Variants in ADAM2 observed in about 807,000 individuals in gnomAD.
ADAM2 encodes the protein ADAM metallopeptidase domain 2.
ADAM2 carries 101 observed loss-of-function variants against 99.3 expected under a neutral mutation model. That is an observed-to-expected ratio of 1.02 (90% CI 0.87 to 1.20). ADAM2 has a LOEUF of 1.20. ADAM2 is among the 50% of genes most tolerant of loss of function. The probability of loss-of-function intolerance (pLI) is 0.00; values close to 1 mark genes in which losing one functional copy is unlikely to be tolerated. For synonymous variants in ADAM2, 323 were observed against 287.6 expected (o/e 1.12, Z -1.25); for missense variants, 948 against 878.7 (o/e 1.08, Z -1.00).
chr8:39,764,691 T>A (rs149466760), intron 14 of ADAM2, among the ~76,000 whole-genome samples: 177 of 152,240 alleles, frequency 1.2e-3, no homozygotes, highest in African/African-American at 4.0e-3. Flanking sequence ...GTGAACTCAT[T>A]GCTTGGTAAC....
intron 6 of ADAM2, among the ~76,000 whole-genome samples, chr8:39,816,225 A>T (rs543923587): frequency 2.6e-5 from 4 of 152,316 alleles, no homozygotes; most frequent in Admixed American, 2.6e-4. Context: ...TGAACCCGGG[A>T]GGTGGAGGTT....
At position 39,746,604 on chromosome 8, in the gene ADAM2, T is replaced by G. The variant is rs1474407904; in HGVS notation, c.2042A>C (p.His681Pro). Residue 681 changes from histidine to proline, a missense_variant, in exon 19 of 21, where the codon CAT (histidine) becomes CCT (proline). By Grantham distance (77) the His-to-Pro change is moderately conservative. Coordinates refer to ENST00000265708, the MANE Select transcript of ADAM2 (RefSeq NM_001464.5). ...AAATGGCCATCTCATTGGTTTGGAA[T>G]GGTAAATGTTCTCAATGTAGCGCCT... ...PERRYIENIY[H>P]SKPMRWPFFL... 6.2e-7 allele frequency: 1 copy of G among 1,603,062 alleles called. No homozygotes were observed. The highest frequency in any genetic ancestry group is 8.5e-7 in the Non-Finnish European group (1 of 1,176,566).
At chr8:39,794,711 C>T (rs1803866441) in intron 7 of ADAM2, among the ~76,000 whole-genome samples, 1 of 152,080 alleles carries the variant, frequency 6.6e-6, no homozygotes, top group Non-Finnish European at 1.5e-5. Flanking sequence ...CCTGCTTGCT[C>T]AATCAATCAT....
At chr8:39,751,247 G>A (rs1801931891) in intron 16 of ADAM2, among the ~76,000 whole-genome samples, 1 of 152,170 alleles carries the variant, frequency 6.6e-6, no homozygotes, top group Admixed American at 6.6e-5. Flanking sequence ...TAGTGCTGCT[G>A]TAGTTATAAA....
rs1823377836 is a variant in ADAM2, at chr8:39,744,745, T to C, written c.*30+85A>G. On this transcript the variant is annotated intron_variant, in intron 20 of 20. Coordinates refer to ENST00000265708, the MANE Select transcript of ADAM2 (RefSeq NM_001464.5). ...GCAGCAAACCACCATGGCACATGTA[T>C]ACCTATGTAACAAACCTGCACATTC... The C allele has an allele frequency of 3.5e-6, 3 of 845,380 alleles. No homozygotes were observed. In the Admixed American group the frequency reaches 7.1e-5, roughly 20 times the overall value. The allele number at this position is 845,380 out of a possible 1,614,324, so 52.4% of individuals were successfully genotyped here. A position where few individuals can be genotyped will look rare whatever the true frequency, so the allele number is the denominator to read the frequency against.
At chr8:39,782,171 T>G (rs909238354) in intron 10 of ADAM2, among the ~76,000 whole-genome samples, 2 of 152,160 alleles carry the variant, frequency 1.3e-5, no homozygotes, top group African/African-American at 2.4e-5. Context: ...AGATGTCTCT[T>G]TTTACATTAA....
At position 39,838,199 on chromosome 8, in the gene ADAM2, G is replaced by C; in HGVS notation, c.-14C>G. The C allele has an allele frequency of 6.2e-7, 1 of 1,614,106 alleles. No homozygotes were observed. Among genetic ancestry groups the C allele is most frequent in the Non-Finnish European group, 8.5e-7 (1 of 1,180,002 alleles). The stretch of plus-strand genomic sequence containing the variant: ...GACGCGCCACATGGCTTGAAGTCCT[G>C]GGTCCCAGCCGGAATAATGGCAGTT... On this transcript the variant is annotated 5_prime_UTR_variant, in exon 1 of 21. Transcript: ENST00000265708.
At chr8:39,754,170 G>C (rs1038223644) in intron 16 of ADAM2, among the ~76,000 whole-genome samples, 1 of 152,170 alleles carries the variant, frequency 6.6e-6, no homozygotes, top group Non-Finnish European at 1.5e-5. Context: ...CTTTTGTCAT[G>C]AACACTGTGG....
chr8:39,799,601 A>G (rs1371159747), intron 7 of ADAM2, among the ~76,000 whole-genome samples: 1 of 152,046 alleles, frequency 6.6e-6, no homozygotes, highest in Non-Finnish European at 1.5e-5. Flanking sequence ...TTAATTTTCT[A>G]TCTTGTTGAT....
chr8:39,829,967 G>C (rs1805552230), intron 3 of ADAM2, among the ~76,000 whole-genome samples: 1 of 151,992 alleles, frequency 6.6e-6, no homozygotes. Context: ...TCAGAGAAAT[G>C]GATATCACAA....
intron 4 of ADAM2, 99 bp downstream of exon 4, chr8:39,824,720 C>G: frequency 1.4e-6 from 1 of 710,838 alleles, no homozygotes; most frequent in Non-Finnish European, 2.5e-6. Flanking sequence ...GCCAAGAAGC[C>G]ATGACCCAAC....
At chr8:39,784,381 A>C (rs1019113673) in intron 10 of ADAM2, among the ~76,000 whole-genome samples, 5 of 151,938 alleles carry the variant, frequency 3.3e-5, no homozygotes, top group Non-Finnish European at 7.4e-5. Flanking sequence ...CTAATTTAAA[A>C]ATTTTGTTGT....
chr8:39,838,084 T>G, intron 1 of ADAM2, 47 bp downstream of exon 1: 1 of 1,595,476 alleles, frequency 6.3e-7, no homozygotes, highest in Non-Finnish European at 8.6e-7. Flanking sequence ...AAAGGGAGAG[T>G]AGCGCTGAGG....
chr8:39,820,403 G>T (rs970338292), intron 6 of ADAM2, among the ~76,000 whole-genome samples: 4 of 152,144 alleles, frequency 2.6e-5, no homozygotes, highest in Non-Finnish European at 4.4e-5. Flanking sequence ...CCATGGTACT[G>T]CCGTCAAAGA....
chr8:39,758,045 C>T (rs891499865), intron 15 of ADAM2, among the ~76,000 whole-genome samples: 4 of 152,058 alleles, frequency 2.6e-5, no homozygotes, highest in African/African-American at 9.7e-5. Context: ...GCATTTGGAA[C>T]TTGAGTATAT....
At chr8:39,812,906 A>G (rs1804764575) in intron 6 of ADAM2, among the ~76,000 whole-genome samples, 3 of 152,234 alleles carry the variant, frequency 2.0e-5, no homozygotes. Flanking sequence ...AACAAAAGCC[A>G]AAATTGTCAA....
rs199675432 is a variant in ADAM2 at position 39,749,400 on chromosome 8, T to C, written c.1926A>G (p.Pro642=). 1.1e-4 allele frequency: 175 copies of C among 1,613,348 alleles called. No homozygotes were observed. The highest frequency in any genetic ancestry group is 1.3e-4 in the Non-Finnish European group (159 of 1,179,530). The change falls in exon 18 of 21, where the codon CCA becomes CCG. Residue 642 remains proline, a synonymous_variant. Coordinates refer to ENST00000265708, the MANE Select transcript of ADAM2 (RefSeq NM_001464.5). The part of the protein sequence containing the change: ...HCHCSASYLP[P]DCSVQSDLWP... ...ATAGATCTGATTGAACTGAGCAATC[T>C]GGAGGTAAATATGAAGCACTACAGT...
intron 12 of ADAM2, among the ~76,000 whole-genome samples, chr8:39,768,267 C>A (rs1162649490): frequency 1.3e-5 from 2 of 152,024 alleles, no homozygotes; most frequent in African/African-American, 4.8e-5. Flanking sequence ...TGACGAGGAA[C>A]AATTTTTTAA....
At chr8:39,796,055 C>T (rs1203864468) in intron 7 of ADAM2, among the ~76,000 whole-genome samples, 1 of 150,378 alleles carries the variant, frequency 6.6e-6, no homozygotes, top group Non-Finnish European at 1.5e-5. Flanking sequence ...ATTAGATTCT[C>T]TTTTTTTTTC....
Sources: gnomAD v4.1 joint callset for allele counts (sites outside exome capture counted in the v4.1 genomes callset) on GRCh38, gnomAD v4.1.1 for gene constraint, MANE v1.5 for transcripts, NCBI Gene and HGNC (gene_info 2026-07-23, HGNC 2026-07-21) for gene names.